RNF128: variants seen among roughly 807,000 people sequenced by gnomAD.
RNF128 encodes the protein E3 ubiquitin-protein ligase RNF128.
RNF128 carries 13 observed loss-of-function variants against 26.2 expected under a neutral mutation model. That is an observed-to-expected ratio of 0.50 (90% CI 0.32 to 0.79). RNF128 has a LOEUF of 0.79. RNF128 is among the 30% of genes least tolerant of loss of function. RNF128 has a pLI of 0.03. For missense variants in RNF128, 315 were observed against 349.7 expected, an observed-to-expected ratio of 0.90 and a Z score of 0.79; for synonymous variants, 149 against 142.5, an observed-to-expected ratio of 1.05 and a Z score of -0.32.
chrX:106,787,075 G>A lies in RNF128; in HGVS notation c.805-843G>A, dbSNP rs184015882. 5.7e-4 allele frequency among the ~76,000 whole-genome samples: 63 copies of A among 110,666 alleles called. 1 individual carries two copies. Among genetic ancestry groups the A allele is most frequent in the Non-Finnish European group, 2.3e-4 (12 of 52,633 alleles). The stretch of plus-strand genomic sequence containing the variant: ...TGAAGTTAAAAATACACTTACCATA[G>A]CACCTAGCAATCTCACTACTAGATA... On this transcript the variant is annotated intron_variant, in intron 3 of 6. Transcript: ENST00000255499.
intron 1 of RNF128, among the ~76,000 whole-genome samples, chrX:106,738,953 A>G (rs1929647514): frequency 8.9e-6 from 1 of 111,752 alleles, no homozygotes; most frequent in Non-Finnish European, 1.9e-5. Context: ...TAGAGCCTCT[A>G]ATATGCAAAA....
In RNF128 at chrX:106,700,275, C is replaced by T. The variant is rs989951678; in HGVS notation, c.406+5867C>T. 5.4e-5 allele frequency among the ~76,000 whole-genome samples: 6 copies of T among 110,665 alleles called. No individual in the cohort carries two copies. In the Admixed American group the frequency reaches 5.8e-4, roughly 11 times the overall value. ...CTAGTCTCAAGTAATCCTTCTGCCT[C>T]GACATCCCAAAGTGCTGGGATTATA... On this transcript the variant is annotated intron_variant, in intron 1 of 6. Transcript: ENST00000324342.
At chrX:106,777,160 T>C (rs773042801) in intron 2 of RNF128, among the ~76,000 whole-genome samples, 5 of 111,748 alleles carry the variant, frequency 4.5e-5, no homozygotes, top group Non-Finnish European at 7.5e-5. Context: ...AAATAAATCA[T>C]ATGGTAATCA....
chrX:106,762,557 C>T (rs1458667865), intron 1 of RNF128, among the ~76,000 whole-genome samples: 1 of 110,901 alleles, frequency 9.0e-6, no homozygotes, highest in East Asian at 2.8e-4. Flanking sequence ...AGGTGATCCG[C>T]CCCCCATCGG....
chrX:106,787,314 A>T lies in RNF128; in HGVS notation c.805-604A>T, dbSNP rs775914527. 2.7e-5 allele frequency among the ~76,000 whole-genome samples: 3 copies of T among 111,693 alleles called. No homozygotes were observed. The South Asian group carries it at 1.1e-3, about 42-fold the overall frequency. On this transcript the variant is annotated intron_variant, in intron 3 of 6. Transcript: ENST00000255499. ...ATACAGCATTATGGATGAATCTCAA[A>T]TGCATTATACTAAGTTTAAAAAGCC...
chrX:106,710,824 T>A (rs5962729), intron 1 of RNF128, among the ~76,000 whole-genome samples: 11,708 of 108,221 alleles, frequency 0.11, 1,685 homozygotes, highest in African/African-American at 0.38. Flanking sequence ...CCAACTATAT[T>A]CTGGCCAATT....
At chrX:106,744,227 T>C (rs1929756189) in intron 1 of RNF128, among the ~76,000 whole-genome samples, 1 of 111,419 alleles carries the variant, frequency 9.0e-6, no homozygotes, top group Non-Finnish European at 1.9e-5. Context: ...TGTGCACATG[T>C]ACCCTAGAAC....
chrX:106,752,066 GT>G (rs1929900905), intron 1 of RNF128, among the ~76,000 whole-genome samples: 1 of 105,668 alleles, frequency 9.5e-6, no homozygotes, highest in African/African-American at 3.5e-5. Context: ...GATTCCTAAA[GT>G]TCCTGACTCC....
intron 4 of RNF128, among the ~76,000 whole-genome samples, chrX:106,789,288 G>C (rs1930765931): frequency 1.1e-5 from 1 of 94,639 alleles, no homozygotes; most frequent in African/African-American, 3.7e-5. Flanking sequence ...ATTTTTTCTT[G>C]ATAGATTAGA....
At chrX:106,759,325 CT>C (rs1930080569) in intron 1 of RNF128, among the ~76,000 whole-genome samples, 1 of 111,643 alleles carries the variant, frequency 9.0e-6, no homozygotes, top group African/African-American at 3.3e-5. Context: ...CCCTTGTACA[CT>C]GTTGGTTGGA....
intron 1 of RNF128, among the ~76,000 whole-genome samples, chrX:106,718,566 T>C (rs1467787758): frequency 1.8e-5 from 2 of 108,605 alleles, no homozygotes; most frequent in Admixed American, 2.0e-4. Flanking sequence ...CTAAGGGAGA[T>C]GTGATTTTAT....
At chrX:106,698,538 C>T (rs1472001395) in intron 1 of RNF128, among the ~76,000 whole-genome samples, 2 of 111,720 alleles carry the variant, frequency 1.8e-5, no homozygotes, top group Non-Finnish European at 3.8e-5. Context: ...GTAAAACTAA[C>T]TCAGATATGT....
chrX:106,772,462 C>G (rs781548224), intron 1 of RNF128, among the ~76,000 whole-genome samples: 1 of 111,835 alleles, frequency 8.9e-6, no homozygotes, highest in East Asian at 2.8e-4. Context: ...CTTATACATG[C>G]TAGTAGTGAG....
rs776248877 is a variant in RNF128, at chrX:106,795,725, A to T, written c.*12A>T. Reference sequence around the variant, plus strand: ...AAATTAAATCTTAAAATCTGTGTAAATAGAAAACTTGAACCATTAGTAATA... The same window carrying T: ...AAATTAAATCTTAAAATCTGTGTAATTAGAAAACTTGAACCATTAGTAATA... On this transcript the variant is annotated 3_prime_UTR_variant, in exon 7 of 7. Transcript: ENST00000255499. 5.3e-5 allele frequency: 63 copies of T among 1,178,911 alleles called. No individual in the cohort carries two copies. The highest frequency in any genetic ancestry group is 1.1e-6 in the Non-Finnish European group (1 of 878,356).
In RNF128 at chrX:106,706,396, C is replaced by CA. The variant is rs923931577; in HGVS notation, c.406+11997dup. The stretch of plus-strand genomic sequence containing the variant: ...AATGCTTCCTTATGTGAAAAAAAAA[C>CA]AAAAAAAAACAAGGGTTTACTTATT... On this transcript the variant is annotated intron_variant, in intron 1 of 6. Transcript: ENST00000324342. Among the ~76,000 whole-genome samples, 77 of 104,115 alleles carry CA rather than the reference C, an allele frequency of 7.4e-4. 1 individual carries two copies. Among genetic ancestry groups the CA allele is most frequent in the East Asian group, 8.8e-4 (3 of 3,426 alleles). The allele number at this position is 104,115 out of a possible 115,157, so 90.4% of individuals were successfully genotyped here.
At chrX:106,714,545 C>T (rs1380212321) in intron 1 of RNF128, among the ~76,000 whole-genome samples, 2 of 111,097 alleles carry the variant, frequency 1.8e-5, no homozygotes, top group Non-Finnish European at 3.8e-5. Context: ...AATCCACCCA[C>T]CTTACTCGAA....
At chrX:106,792,951 G>A (rs759386494) in intron 6 of RNF128, among the ~76,000 whole-genome samples, 42 of 111,929 alleles carry the variant, frequency 3.8e-4, no homozygotes, top group African/African-American at 1.2e-3. Flanking sequence ...AGAATCTTGC[G>A]TATTAGCCAT....
chrX:106,755,771 A>G (rs1346230545), intron 1 of RNF128, among the ~76,000 whole-genome samples: 4 of 111,238 alleles, frequency 3.6e-5, no homozygotes, highest in Non-Finnish European at 5.7e-5. Flanking sequence ...AGGGTATTCA[A>G]TTAGGAAAAG....
intron 1 of RNF128, among the ~76,000 whole-genome samples, chrX:106,704,909 G>T (rs1260597635): frequency 8.9e-6 from 1 of 111,925 alleles, no homozygotes; most frequent in East Asian, 2.8e-4. Flanking sequence ...AATGTAAAGG[G>T]CTGGCATTGT....
Sources: allele counts gnomAD v4.1 joint callset (sites outside exome capture counted in the v4.1 genomes callset), GRCh38; gene constraint gnomAD v4.1.1; transcripts MANE v1.5; gene names NCBI Gene and HGNC (gene_info 2026-07-23, HGNC 2026-07-21).